Variants in MACROD2 observed in about 807,000 individuals in gnomAD.
MACROD2 encodes the protein ADP-ribose glycohydrolase MACROD2.
A neutral mutation model predicts 70.4 loss-of-function variants in MACROD2; 36 were observed. The ratio of observed to expected loss-of-function variants is 0.51; its 90% CI spans 0.39 to 0.68. The LOEUF (loss-of-function observed/expected upper bound fraction) is 0.68. Ranked by LOEUF, MACROD2 falls within the 30% of genes least tolerant of loss-of-function variation. The probability of loss-of-function intolerance (pLI) is 0.00; values close to 1 mark genes in which losing one functional copy is unlikely to be tolerated. For synonymous variants in MACROD2, 172 were observed against 178.8 expected (o/e 0.96, Z 0.30); for missense variants, 496 against 538.4 (o/e 0.92, Z 0.78).
chr20:15,745,172 A>T (rs942483410), intron 8 of MACROD2, among the ~76,000 whole-genome samples: 5 of 152,220 alleles, frequency 3.3e-5, no homozygotes, highest in Non-Finnish European at 5.9e-5. Flanking sequence ...AATGTTTAGC[A>T]AATATAAATA....
chr20:14,680,504 G>A (rs987632406), intron 4 of MACROD2, among the ~76,000 whole-genome samples: 2 of 152,024 alleles, frequency 1.3e-5, no homozygotes, highest in African/African-American at 2.4e-5. Flanking sequence ...TTAACGAAAC[G>A]TCCATATTAC....
chr20:15,534,175 C>A (rs1261365823), intron 8 of MACROD2, among the ~76,000 whole-genome samples: 1 of 152,092 alleles, frequency 6.6e-6, no homozygotes, highest in Admixed American at 6.6e-5. Flanking sequence ...ACTTTGAAAC[C>A]TTCCTTGAAA....
At chr20:15,723,269 A>G (rs1474513579) in intron 8 of MACROD2, among the ~76,000 whole-genome samples, 2 of 152,204 alleles carry the variant, frequency 1.3e-5, no homozygotes, top group Non-Finnish European at 2.9e-5. Flanking sequence ...GTTACAATCC[A>G]TGAACCTACA....
chr20:14,395,150 A>G (rs528767743), intron 3 of MACROD2, among the ~76,000 whole-genome samples: 6 of 152,188 alleles, frequency 3.9e-5, no homozygotes, highest in Admixed American at 3.9e-4. Context: ...GAGTTTGTGT[A>G]GTATTGGTAT....
chr20:13,995,863 C>CGG lies in MACROD2; in HGVS notation c.46+58_46+59dup. The CGG allele has an allele frequency of 2.4e-6, 1 of 412,924 alleles. No individual in the cohort carries two copies. The highest frequency in any genetic ancestry group is 4.6e-6 in the Non-Finnish European group (1 of 215,402). The allele number at this position is 412,924 out of a possible 1,614,324, so 25.6% of individuals were successfully genotyped here. A position where few individuals can be genotyped will look rare whatever the true frequency, so the allele number is the denominator to read the frequency against. Reference sequence around the variant, plus strand: ...CGGGCGGTGGGGGTTAGGGTGGGGGCGGGGGTCAGGCTGTGTGTGCCGCGG... The same window carrying CGG: ...CGGGCGGTGGGGGTTAGGGTGGGGGCGGGGGGGTCAGGCTGTGTGTGCCGCGG... On this transcript the variant is annotated intron_variant, in intron 1 of 17. Coordinates refer to ENST00000684519, the MANE Select transcript of MACROD2 (RefSeq NM_001351661.2). This position sits in a 1 kb window ranked among gnomAD's most constrained non-coding sequence, Gnocchi z 4.3.
chr20:15,541,263 T>G (rs1031601974), intron 8 of MACROD2, among the ~76,000 whole-genome samples: 3 of 152,198 alleles, frequency 2.0e-5, no homozygotes, highest in African/African-American at 7.2e-5. Context: ...AAGAGAGGCC[T>G]TGGGTACACT....
intron 8 of MACROD2, among the ~76,000 whole-genome samples, chr20:15,803,393 A>G (rs1338378060): frequency 6.6e-6 from 1 of 152,112 alleles, no homozygotes; most frequent in African/African-American, 2.4e-5. Context: ...TTGAACCTTG[A>G]AAGGTAAAAA....
At position 14,621,012 on chromosome 20, in the gene MACROD2, A is replaced by T. The variant is rs1983796286; in HGVS notation, c.302-63831A>T. On this transcript the variant is annotated intron_variant, in intron 4 of 17. Transcript: ENST00000684519. ...TTTCACATTCTCTATCAGTCCTGAA[A>T]ATTAGACAGAGTTATGAAATCAAGT... Among the ~76,000 whole-genome samples, 4 of 152,060 alleles carry T rather than the reference A, an allele frequency of 2.6e-5. No homozygotes were observed. The South Asian group carries it at 8.3e-4, about 31-fold the overall frequency.
chr20:15,279,803 G>A (rs529477464), intron 6 of MACROD2, among the ~76,000 whole-genome samples: 77 of 152,228 alleles, frequency 5.1e-4, no homozygotes, highest in Middle Eastern at 3.4e-3. Context: ...TATGCTAAGG[G>A]CTTTGTAGGT....
At chr20:15,801,384 G>T (rs889949187) in intron 8 of MACROD2, among the ~76,000 whole-genome samples, 1 of 151,740 alleles carries the variant, frequency 6.6e-6, no homozygotes, top group Non-Finnish European at 1.5e-5. Context: ...CCACTGGCTG[G>T]CACTAGCCAA....
At chr20:14,691,695 C>T (rs1413684247) in intron 5 of MACROD2, among the ~76,000 whole-genome samples, 5 of 152,166 alleles carry the variant, frequency 3.3e-5, no homozygotes, top group Admixed American at 6.5e-5. Flanking sequence ...TTTCAGCCAT[C>T]GTGGACTCTC....
chr20:15,012,338 G>C (rs944225523), intron 5 of MACROD2, among the ~76,000 whole-genome samples: 1 of 152,098 alleles, frequency 6.6e-6, no homozygotes, highest in African/African-American at 2.4e-5. Context: ...TCTACATCAT[G>C]GCTGTTTGTT....
At chr20:14,683,318 T>C (rs922874637) in intron 4 of MACROD2, among the ~76,000 whole-genome samples, 4 of 152,176 alleles carry the variant, frequency 2.6e-5, no homozygotes, top group African/African-American at 9.7e-5. Flanking sequence ...ATGCACAAAA[T>C]TATTCAAATT....
intron 5 of MACROD2, among the ~76,000 whole-genome samples, chr20:14,749,980 G>A (rs978696458): frequency 6.6e-6 from 1 of 152,070 alleles, no homozygotes; most frequent in Non-Finnish European, 1.5e-5. Flanking sequence ...GGAGGAAAAT[G>A]TTCTGGAGAT....
intron 7 of MACROD2, among the ~76,000 whole-genome samples, chr20:15,493,180 G>A (rs554416853): frequency 6.6e-6 from 1 of 152,134 alleles, no homozygotes; most frequent in Non-Finnish European, 1.5e-5. Context: ...TCTCTAGAGC[G>A]CTGCCTTCTT....
At chr20:15,126,452 A>C (rs1339217148) in intron 5 of MACROD2, among the ~76,000 whole-genome samples, 4 of 151,940 alleles carry the variant, frequency 2.6e-5, no homozygotes, top group African/African-American at 9.7e-5. Context: ...ATAAATCATA[A>C]ATTTAAAATT....
intron 6 of MACROD2, among the ~76,000 whole-genome samples, chr20:15,252,258 A>G (rs969303115): frequency 1.8e-4 from 28 of 152,350 alleles, no homozygotes; most frequent in African/African-American, 6.3e-4. Context: ...TACAAACTCA[A>G]TCAAGTGTTT....
intron 3 of MACROD2, among the ~76,000 whole-genome samples, chr20:14,374,281 A>G (rs1257026079): frequency 6.6e-6 from 1 of 152,186 alleles, no homozygotes; most frequent in African/African-American, 2.4e-5. Flanking sequence ...CTCAGTACAA[A>G]TGACCCGATG....
intron 3 of MACROD2, among the ~76,000 whole-genome samples, chr20:14,268,911 T>C (rs887818220): frequency 6.6e-6 from 1 of 152,180 alleles, no homozygotes; most frequent in Non-Finnish European, 1.5e-5. Context: ...CCAAGGTAGA[T>C]AAATATCAAC....
Sources: allele counts gnomAD v4.1 joint callset (sites outside exome capture counted in the v4.1 genomes callset), GRCh38; gene constraint gnomAD v4.1.1; non-coding constraint Gnocchi (gnomAD v3.1); transcripts MANE v1.5; gene names NCBI Gene and HGNC (gene_info 2026-07-23, HGNC 2026-07-21).